NTAQ1: variants seen among roughly 807,000 people sequenced by gnomAD.
NTAQ1 encodes the protein N-terminal glutamine amidase 1, also known as protein N-terminal glutamine amidohydrolase.
A neutral mutation model predicts 28.2 loss-of-function variants in NTAQ1; 21 were observed. That is an observed-to-expected ratio of 0.74 (90% CI 0.53 to 1.07). NTAQ1 has a LOEUF of 1.07. Among genes scored for constraint, NTAQ1 ranks in the 50% least tolerant of loss-of-function variants. The pLI is 0.00. For missense variants in NTAQ1, 264 were observed against 256.6 expected (o/e 1.03, Z -0.20); for synonymous variants, 105 against 90.0 (o/e 1.17, Z -0.94).
chr8:123,442,768 A>G (rs1815125563), downstream of NTAQ1, among the ~76,000 whole-genome samples: 1 of 151,092 alleles, frequency 6.6e-6, no homozygotes, highest in Non-Finnish European at 1.5e-5. Context: ...TCCCAGGTTC[A>G]AGTGATTCTC....
In NTAQ1 at chr8:123,429,983, A is replaced by G. The variant is rs1207437407; in HGVS notation, c.184A>G (p.Ile62Val). Residue 62 changes from isoleucine to valine, a missense_variant and splice_region_variant, in exon 3 of 6, where the codon ATA (isoleucine) becomes GTA (valine). By Grantham distance (29) the Ile-to-Val change is conservative. Coordinates refer to ENST00000287387, the MANE Select transcript of NTAQ1 (RefSeq NM_018024.3). ...AVFISNERKM[I>V]PIWKQQARPG... ...TTACGAAATGTATTGTATTTTGTAG[A>G]TACCTATCTGGAAACAACAGGCGAG... 1.2e-6 allele frequency: 2 copies of G among 1,610,680 alleles called. No individual in the cohort carries two copies. The highest frequency in any genetic ancestry group is 1.7e-6 in the Non-Finnish European group (2 of 1,178,000).
intron 3 of NTAQ1, among the ~76,000 whole-genome samples, chr8:123,433,448 A>G (rs1814514855): frequency 6.6e-6 from 1 of 151,284 alleles, no homozygotes; most frequent in African/African-American, 2.4e-5. Context: ...TTTTATTTTT[A>G]TTTATTTATT....
At chr8:123,456,343 G>A (rs1215399415) in intron 6 of NTAQ1, among the ~76,000 whole-genome samples, 3 of 152,116 alleles carry the variant, frequency 2.0e-5, no homozygotes, top group South Asian at 2.1e-4. Context: ...TGGTGTGCAC[G>A]ATCTTGGCTC....
At chr8:123,432,659 A>T (rs907635975) in intron 3 of NTAQ1, among the ~76,000 whole-genome samples, 2 of 143,084 alleles carry the variant, frequency 1.4e-5, no homozygotes, top group Non-Finnish European at 3.0e-5. Flanking sequence ...TTCCTATAAT[A>T]ATTTCTTTTT....
downstream of NTAQ1, among the ~76,000 whole-genome samples, chr8:123,452,368 C>T (rs530167669): frequency 1.8e-4 from 28 of 152,184 alleles, no homozygotes; most frequent in African/African-American, 6.3e-4. Context: ...AGGCCAACGC[C>T]GGTGGATCAC....
intron 1 of NTAQ1, among the ~76,000 whole-genome samples, chr8:123,425,876 T>C (rs1814022234): frequency 2.0e-5 from 3 of 152,040 alleles, no homozygotes; most frequent in Admixed American, 6.6e-5. Context: ...ATACAAAAAT[T>C]AGCCAGAAGT....
At chr8:123,417,401 A>G (rs1451482346) in intron 1 of NTAQ1, among the ~76,000 whole-genome samples, 1 of 152,204 alleles carries the variant, frequency 6.6e-6, no homozygotes, top group Non-Finnish European at 1.5e-5. Flanking sequence ...ATCACTGAGC[A>G]TCACAATAAC....
intron 6 of NTAQ1, among the ~76,000 whole-genome samples, chr8:123,461,385 A>G (rs969279042): frequency 6.6e-6 from 1 of 151,950 alleles, no homozygotes; most frequent in African/African-American, 2.4e-5. Flanking sequence ...CAAATAAACA[A>G]CTTCTACCGA....
intron 1 of NTAQ1, among the ~76,000 whole-genome samples, chr8:123,424,006 C>A (rs1455200738): frequency 6.6e-6 from 1 of 150,872 alleles, no homozygotes; most frequent in African/African-American, 2.4e-5. Flanking sequence ...CCTCAGCCTC[C>A]TGAGTAACTG....
At chr8:123,447,841 C>G (rs2130364554) in intron 6 of NTAQ1, among the ~76,000 whole-genome samples, 1 of 152,318 alleles carries the variant, frequency 6.6e-6, no homozygotes, top group East Asian at 1.9e-4. Flanking sequence ...GGCCCTTGGG[C>G]TGTAGTTTGC....
intron 6 of NTAQ1, among the ~76,000 whole-genome samples, chr8:123,466,618 T>A (rs141338434): frequency 1.3e-4 from 20 of 152,280 alleles, no homozygotes; most frequent in African/African-American, 3.4e-4. Context: ...TCATCTGGAG[T>A]GAGGACAAGA....
intron 1 of NTAQ1, among the ~76,000 whole-genome samples, chr8:123,422,298 C>A (rs1180171084): frequency 7.2e-6 from 1 of 138,930 alleles, no homozygotes; most frequent in Non-Finnish European, 1.5e-5. Context: ...TTTTTTGAGA[C>A]AGGGTCTCAC....
At chr8:123,453,425 CT>C (rs33984349) in intron 6 of NTAQ1, among the ~76,000 whole-genome samples, 10 of 144,904 alleles carry the variant, frequency 6.9e-5, no homozygotes, top group Admixed American at 1.4e-4. Context: ...TGTTTTGTTG[CT>C]TTTTTTTTTT....
At chr8:123,460,858 G>A (rs75362839) in intron 6 of NTAQ1, among the ~76,000 whole-genome samples, 4 of 152,302 alleles carry the variant, frequency 2.6e-5, no homozygotes, top group African/African-American at 9.6e-5. Flanking sequence ...AAGGAAGCAA[G>A]GAGAGAATAA....
intron 6 of NTAQ1, among the ~76,000 whole-genome samples, chr8:123,447,460 A>T (rs1815333547): frequency 6.6e-6 from 1 of 152,224 alleles, no homozygotes; most frequent in South Asian, 2.1e-4. Context: ...ATTGTGTATT[A>T]TCTAGAAGTC....
At chr8:123,455,105 GCT>G (rs1434353766) in intron 6 of NTAQ1, 1 of 152,220 alleles carries the variant, frequency 6.6e-6, no homozygotes, top group Non-Finnish European at 1.5e-5. Context: ...CACACGCAAA[GCT>G]CTGTCTTCCC....
At chr8:123,452,169 C>G (rs1353417104), downstream of NTAQ1, among the ~76,000 whole-genome samples, 1 of 152,214 alleles carries the variant, frequency 6.6e-6, no homozygotes, top group Non-Finnish European at 1.5e-5. Context: ...TATACTTTTC[C>G]CCTTTGCTCC....
intron 6 of NTAQ1, among the ~76,000 whole-genome samples, chr8:123,461,292 G>C (rs1331114863): frequency 1.3e-5 from 2 of 152,092 alleles, no homozygotes; most frequent in Admixed American, 1.3e-4. Flanking sequence ...TATCCTCTTG[G>C]CACCTGCTCA....
At chr8:123,426,827 C>A (rs2130202229) in intron 1 of NTAQ1, among the ~76,000 whole-genome samples, 1 of 150,454 alleles carries the variant, frequency 6.6e-6, no homozygotes, top group East Asian at 2.0e-4. Context: ...GGGTGTGGTG[C>A]TGCACGCCTG....
Sources: allele counts gnomAD v4.1 joint callset (sites outside exome capture counted in the v4.1 genomes callset), GRCh38; gene constraint gnomAD v4.1.1; transcripts MANE v1.5; gene names NCBI Gene and HGNC (gene_info 2026-07-23, HGNC 2026-07-21).